SDF4: variants seen among roughly 807,000 people sequenced by gnomAD.
SDF4 encodes the protein stromal cell derived factor 4, also known as 45 kDa calcium-binding protein.
In SDF4, 22 loss-of-function variants were observed where a neutral mutation model predicts 34.2. The observed-to-expected ratio is 0.64, with a 90% CI of 0.46 to 0.92. SDF4 has a LOEUF of 0.92. Among genes scored for constraint, SDF4 ranks in the 40% least tolerant of loss-of-function variants. SDF4 has a pLI of 0.00. For synonymous variants in SDF4, 236 were observed against 203.1 expected (o/e 1.16, Z -1.38); for missense variants, 447 against 499.9 (o/e 0.89, Z 1.01).
intron 4 of SDF4, chr1:1,220,512 C>A: frequency 8.3e-7 from 1 of 1,206,482 alleles, no homozygotes; most frequent in Admixed American, 3.1e-5. Context: ...TCTTCCTGAG[C>A]CAGAAACCAA....
rs868301237 is a variant in SDF4 at position 1,228,829 on chromosome 1, G to A, written c.-57C>T. The A allele has an allele frequency of 1.1e-5, 16 of 1,431,934 alleles. No homozygotes were observed. Among genetic ancestry groups the A allele is most frequent in the South Asian group, 6.3e-5 (5 of 79,696 alleles). The allele number at this position is 1,431,934 out of a possible 1,614,324, so 88.7% of individuals were successfully genotyped here. A position where few individuals can be genotyped will look rare whatever the true frequency, so the allele number is the denominator to read the frequency against. On this transcript the variant is annotated 5_prime_UTR_variant, in exon 2 of 7. Transcript: ENST00000360001. ...GCAGGGTGTGGGCCAGGTGCTGGGA[G>A]GGGCAGGGGCAGGGGCAGAGGAGGA...
At chr1:1,219,103 G>A in intron 4 of SDF4, 176 bp from the exon 5 acceptor site, 1 of 1,525,478 alleles carries the variant, frequency 6.6e-7, no homozygotes, top group Non-Finnish European at 8.8e-7. Context: ...ACACAGCCTG[G>A]ACCCCCGCCA....
chr1:1,223,948 C>CGGTCA lies in SDF4; in HGVS notation c.321_325dup (p.Arg109LeufsTer51). 6.2e-7 allele frequency: 1 copy of CGGTCA among 1,611,282 alleles called. No individual in the cohort carries two copies. Among genetic ancestry groups the CGGTCA allele is most frequent in the Non-Finnish European group, 8.5e-7 (1 of 1,179,856 alleles). ...CTGCATCTCCTTGGCACTGATCTTC[C>CGGTCA]GGTCAGTGTTCACATCCACCCTGCA... On this transcript the variant is annotated frameshift_variant, in exon 3 of 7. Transcript: ENST00000360001. LOFTEE classifies it high-confidence loss of function.
chr1:1,223,531 G>A (rs927574825), intron 3 of SDF4, among the ~76,000 whole-genome samples, 174 bp from the exon 4 acceptor site: 8 of 152,214 alleles, frequency 5.3e-5, no homozygotes, highest in Middle Eastern at 3.2e-3. Flanking sequence ...GAGGCCAGCC[G>A]GCAACGTCTG....
rs1650089876 is a variant in SDF4 at position 1,223,320 on chromosome 1, C to T, written c.480G>A (p.Leu160=). ...CCTTCTCGCTATGGCCTTTACTCGC[C>T]AAAAACTTCACCTTATACTCGTCCC... ...VSWDEYKVKF[L]ASKGHSEKEV... Residue 160 remains leucine, a synonymous_variant, in exon 4 of 7, where the codon TTG becomes TTA. Transcript: ENST00000360001. 1.9e-6 allele frequency: 3 copies of T among 1,613,792 alleles called. No homozygotes were observed. Among genetic ancestry groups the T allele is most frequent in the African/African-American group, 2.7e-5 (2 of 74,952 alleles).
chr1:1,224,252 C>T (rs1002954235), intron 2 of SDF4, among the ~76,000 whole-genome samples: 1 of 152,116 alleles, frequency 6.6e-6, no homozygotes, highest in Admixed American at 6.5e-5. Flanking sequence ...CACTCTCCAA[C>T]CACAGCTTCC....
chr1:1,230,129 G>C (rs1032308732), intron 1 of SDF4, among the ~76,000 whole-genome samples: 1 of 152,198 alleles, frequency 6.6e-6, no homozygotes, highest in Admixed American at 6.5e-5. Context: ...CTGCCCCTCC[G>C]GCAAACACCT....
At chr1:1,226,903 G>A (rs950121046) in intron 2 of SDF4, among the ~76,000 whole-genome samples, 1 of 152,214 alleles carries the variant, frequency 6.6e-6, no homozygotes, top group African/African-American at 2.4e-5. Flanking sequence ...AGGCCTTCGT[G>A]AGCTCAGGGG....
Position 1,217,856 on chromosome 1 carries a change from A to T in SDF4, c.892-168T>A. 6.7e-7 allele frequency: 1 copy of T among 1,494,650 alleles called. No homozygotes were observed. The highest frequency in any genetic ancestry group is 1.3e-5 in the South Asian group (1 of 75,282). 92.6% of individuals were successfully genotyped at this position (1,494,650 alleles called of 1,614,324 possible). Reference sequence around the variant, plus strand: ...ACAAATGAAAACACAGGGCAGGGAGAAGCCGGGGGCCCCGGAAGGCCTGCC... The same window carrying T: ...ACAAATGAAAACACAGGGCAGGGAGTAGCCGGGGGCCCCGGAAGGCCTGCC... On this transcript the variant is annotated intron_variant, in intron 6 of 6. Coordinates refer to ENST00000360001, the MANE Select transcript of SDF4 (RefSeq NM_016176.6). This position sits in a 1 kb window ranked among gnomAD's most constrained non-coding sequence, Gnocchi z 8.5.
chr1:1,231,578 C>T (rs1002372560), intron 1 of SDF4, among the ~76,000 whole-genome samples: 2 of 152,240 alleles, frequency 1.3e-5, no homozygotes, highest in Admixed American at 1.3e-4. Flanking sequence ...TGTCCAAGGT[C>T]GCCTCGCCGA....
intron 2 of SDF4, among the ~76,000 whole-genome samples, chr1:1,225,681 G>A (rs968221256): frequency 2.2e-4 from 34 of 151,842 alleles, no homozygotes; most frequent in African/African-American, 4.6e-4. Flanking sequence ...CTCCGGTCAC[G>A]CTCCACACGC....
chr1:1,225,543 C>T (rs769862968), intron 2 of SDF4, among the ~76,000 whole-genome samples: 24 of 152,222 alleles, frequency 1.6e-4, no homozygotes, highest in African/African-American at 4.6e-4. Flanking sequence ...CAGAGGTGGA[C>T]GGGCCTGGGA....
In SDF4 at chr1:1,217,280, GCGCCGCGGGGCCACAGCCCAGCCC is replaced by G; in HGVS notation, c.*208_*231del. The G allele has an allele frequency of 4.9e-6, 1 of 203,076 alleles. No individual in the cohort carries two copies. Among genetic ancestry groups the G allele is most frequent in the Non-Finnish European group, 9.9e-6 (1 of 100,822 alleles). The allele number at this position is 203,076 out of a possible 1,614,324, so 12.6% of individuals were successfully genotyped here. A position where few individuals can be genotyped will look rare whatever the true frequency, so the allele number is the denominator to read the frequency against. ...ATTTCGAGGGACCAGGGAGGAGGCG[GCGCCGCGGGGCCACAGCCCAGCCC>G]CGCGCCCCGACCGCGTCACAGCCAA... On this transcript the variant is annotated 3_prime_UTR_variant, in exon 7 of 7. Coordinates refer to ENST00000360001, the MANE Select transcript of SDF4 (RefSeq NM_016176.6). The surrounding 1 kb of genome is among the most constrained non-coding windows in gnomAD (Gnocchi z 8.5).
chr1:1,228,347 T>C, intron 2 of SDF4, 121 bp downstream of exon 2: 1 of 1,155,276 alleles, frequency 8.7e-7, no homozygotes, highest in South Asian at 1.6e-5. Flanking sequence ...CCGGCACGTC[T>C]TCCCAGCCCG....
chr1:1,219,333 C>T (rs1178639181), intron 4 of SDF4: 17 of 1,137,460 alleles, frequency 1.5e-5, no homozygotes, highest in Non-Finnish European at 1.6e-5. Flanking sequence ...AGAACCTCCC[C>T]ATGGCCCAGA....
intron 4 of SDF4, chr1:1,221,359 G>A (rs1207693008): frequency 1.9e-5 from 3 of 154,572 alleles, no homozygotes; most frequent in Non-Finnish European, 4.3e-5. Flanking sequence ...AAGAGTTTGA[G>A]ACCTACCTAG....
In SDF4 at chr1:1,228,548, G is replaced by A; in HGVS notation, c.225C>T (p.Phe75=). 7.4e-6 allele frequency: 12 copies of A among 1,613,052 alleles called. No homozygotes were observed. The highest frequency in any genetic ancestry group is 1.0e-5 in the Non-Finnish European group (12 of 1,179,992). ...HLNRGFHQEV[F]LGKDLGGFDE... ...CAAAGCCACCCAGGTCCTTGCCTAG[G>A]AAGACCTCCTGGTGGAAGCCGCGAT... The change falls in exon 2 of 7, where the codon TTC becomes TTT. Residue 75 remains phenylalanine, a synonymous_variant. Coordinates refer to ENST00000360001, the MANE Select transcript of SDF4 (RefSeq NM_016176.6).
intron 2 of SDF4, among the ~76,000 whole-genome samples, chr1:1,228,262 G>A (rs1409545933): frequency 6.6e-6 from 1 of 152,244 alleles, no homozygotes; most frequent in African/African-American, 2.4e-5. Context: ...CGGACCCAGG[G>A]CATTCAAGGA....
At chr1:1,224,066 G>T in intron 2 of SDF4, 98 bp from the exon 3 acceptor site, 1 of 1,555,542 alleles carries the variant, frequency 6.4e-7, no homozygotes, top group Non-Finnish European at 8.7e-7. Context: ...ATGGCTGCGT[G>T]AACCTGCCAC....
Sources: gnomAD v4.1 joint callset for allele counts (sites outside exome capture counted in the v4.1 genomes callset) on GRCh38, gnomAD v4.1.1 for gene constraint, Gnocchi (gnomAD v3.1) non-coding constraint, MANE v1.5 for transcripts, NCBI Gene and HGNC (gene_info 2026-07-23, HGNC 2026-07-21) for gene names.